UBE2W: variants seen among roughly 807,000 people sequenced by gnomAD.
UBE2W encodes ubiquitin conjugating enzyme E2 W, also known as ubiquitin-conjugating enzyme E2 W.
Under a neutral mutation model 27.2 loss-of-function variants are expected in UBE2W, and 18 were observed. The ratio of observed to expected loss-of-function variants is 0.66; its 90% confidence interval spans 0.46 to 0.98. The LOEUF is 0.98. Ranked by LOEUF, UBE2W falls within the 50% of genes least tolerant of loss-of-function variation. UBE2W has a pLI of 0.00. For missense variants in UBE2W, 90 were observed against 180.2 expected, an observed-to-expected ratio of 0.50 and a Z score of 2.87; for synonymous variants, 53 against 57.2, an observed-to-expected ratio of 0.93 and a Z score of 0.33.
At chr8:73,836,053 T>A (rs1810297942) in intron 1 of UBE2W, among the ~76,000 whole-genome samples, 1 of 152,184 alleles carries the variant, frequency 6.6e-6, no homozygotes, top group African/African-American at 2.4e-5. Context: ...AAATAACATT[T>A]GTTGTTTTAA....
intron 1 of UBE2W, among the ~76,000 whole-genome samples, chr8:73,859,653 G>C (rs1445274191): frequency 6.6e-6 from 1 of 152,094 alleles, no homozygotes; most frequent in Non-Finnish European, 1.5e-5. Flanking sequence ...TTAACAGTAA[G>C]CTATTAGTAC....
exon 5 of UBE2W, chr8:73,780,239 C>A (rs1807817201): frequency 1.1e-5 from 2 of 183,450 alleles, no homozygotes; most frequent in Non-Finnish European, 2.3e-5. Flanking sequence ...ATGTTCCCAG[C>A]AATCCCTGGC....
intron 5 of UBE2W, among the ~76,000 whole-genome samples, 179 bp downstream of exon 5, chr8:73,805,472 C>CAAAAACAAA (rs1554579999): frequency 1.1e-4 from 5 of 43,676 alleles, no homozygotes; most frequent in Non-Finnish European, 2.0e-4. Context: ...AAAAAAAAAA[C>CAAAAACAAA]AAAAAAAACT....
chr8:73,866,877 C>T (rs1483008844), intron 1 of UBE2W, among the ~76,000 whole-genome samples: 3 of 151,500 alleles, frequency 2.0e-5, no homozygotes, highest in African/African-American at 7.3e-5. Context: ...TGGTGGCAGG[C>T]ACCTGTAGTC....
In UBE2W at chr8:73,791,896, TA is replaced by T. The variant is rs1309720386; in HGVS notation, c.*2205del. 1 of 984,840 alleles carries T rather than the reference TA, an allele frequency of 1.0e-6. No individual in the cohort carries two copies. Among genetic ancestry groups the T allele is most frequent in the Non-Finnish European group, 1.2e-6 (1 of 829,512 alleles). 61.0% of individuals were successfully genotyped at this position (984,840 alleles called of 1,614,324 possible). A position where few individuals can be genotyped will look rare whatever the true frequency, so the allele number is the denominator to read the frequency against. On this transcript the variant is annotated 3_prime_UTR_variant, in exon 6 of 6. Coordinates refer to ENST00000602593, the MANE Select transcript of UBE2W (RefSeq NM_018299.6). The stretch of plus-strand genomic sequence containing the variant: ...AGAGAGGTATGTTAAAATATTGTCA[TA>T]AAAAACTCAATTGAGGCTATATATG...
At chr8:73,800,235 C>T (rs527958451) in intron 5 of UBE2W, among the ~76,000 whole-genome samples, 9 of 152,316 alleles carry the variant, frequency 5.9e-5, no homozygotes, top group African/African-American at 2.2e-4. Context: ...GACAGAACAG[C>T]TGCTTTACCA....
chr8:73,805,978 C>A (rs1328236412), intron 4 of UBE2W, among the ~76,000 whole-genome samples: 1 of 151,964 alleles, frequency 6.6e-6, no homozygotes, highest in Non-Finnish European at 1.5e-5. Flanking sequence ...CATGGTGAAA[C>A]CCAGTCTCTA....
At chr8:73,833,127 G>A (rs1563602270) in intron 1 of UBE2W, among the ~76,000 whole-genome samples, 1 of 146,728 alleles carries the variant, frequency 6.8e-6, no homozygotes, top group East Asian at 2.0e-4. Context: ...AGAGGTTGCA[G>A]TGAGCTGAGA....
chr8:73,835,232 GAA>G (rs60143568), intron 1 of UBE2W, among the ~76,000 whole-genome samples: 1,342 of 133,244 alleles, frequency 0.01, 22 homozygotes, highest in African/African-American at 0.033. Context: ...GGGTTCTATA[GAA>G]AAAAAAAAAA....
At chr8:73,824,351 G>A (rs1809741473) in intron 3 of UBE2W, among the ~76,000 whole-genome samples, 1 of 152,178 alleles carries the variant, frequency 6.6e-6, no homozygotes, top group Admixed American at 6.6e-5. Context: ...CAGACTTTGT[G>A]CTGATGTTTA....
chr8:73,861,465 C>G (rs890563864), intron 1 of UBE2W, among the ~76,000 whole-genome samples: 6 of 152,082 alleles, frequency 3.9e-5, no homozygotes, highest in African/African-American at 1.4e-4. Context: ...ATACAGGCCC[C>G]TAAGATTACT....
intron 4 of UBE2W, among the ~76,000 whole-genome samples, chr8:73,809,064 AG>A (rs1301440009): frequency 9.9e-5 from 15 of 152,204 alleles, no homozygotes; most frequent in Non-Finnish European, 1.5e-5. Flanking sequence ...TAAGCGTAAC[AG>A]GAACATAGAA....
At chr8:73,867,106 A>G (rs577306177) in intron 1 of UBE2W, among the ~76,000 whole-genome samples, 1 of 152,294 alleles carries the variant, frequency 6.6e-6, no homozygotes, top group East Asian at 1.9e-4. Flanking sequence ...CAACGAAATG[A>G]CAAATTGTTT....
In UBE2W at chr8:73,846,458, A is replaced by G. The variant is rs542292218; in HGVS notation, c.16-15986T>C. ...GATGTTTCAGACTTAAAAATTTTTT[A>G]GATTTAAAAAAATTTTTTATAAAGC... On this transcript the variant is annotated intron_variant, in intron 1 of 5. Transcript: ENST00000602593. 4.6e-5 allele frequency among the ~76,000 whole-genome samples: 7 copies of G among 152,310 alleles called. No homozygotes were observed. In the East Asian group the frequency reaches 7.7e-4, roughly 17 times the overall value.
chr8:73,784,315 C>A (rs1807897311), downstream of UBE2W, among the ~76,000 whole-genome samples: 1 of 152,138 alleles, frequency 6.6e-6, no homozygotes, highest in African/African-American at 2.4e-5. Flanking sequence ...TACCTGTCTG[C>A]CTTCCCTGCC....
intron 5 of UBE2W, among the ~76,000 whole-genome samples, chr8:73,804,109 T>C (rs972410663): frequency 2.0e-5 from 3 of 152,046 alleles, no homozygotes; most frequent in Admixed American, 6.6e-5. Context: ...CATAGTTCTA[T>C]TGCACTGACT....
intron 1 of UBE2W, among the ~76,000 whole-genome samples, chr8:73,843,490 C>T (rs975005558): frequency 5.3e-5 from 8 of 151,902 alleles, no homozygotes; most frequent in Admixed American, 3.3e-4. Flanking sequence ...AAAATTTGCC[C>T]GGCATGGTGG....
rs1381345283 is a variant in UBE2W, at chr8:73,793,275, G to T, written c.*827C>A. On this transcript the variant is annotated 3_prime_UTR_variant, in exon 6 of 6. Coordinates refer to ENST00000602593, the MANE Select transcript of UBE2W (RefSeq NM_018299.6). ...GTACAAATAACAAGCCCAAATTATG[G>T]ACTGCAGCAATTTAATCATCACTGC... The T allele has an allele frequency of 1.0e-6, 1 of 985,616 alleles. No homozygotes were observed. Among genetic ancestry groups the T allele is most frequent in the Non-Finnish European group, 1.2e-6 (1 of 829,910 alleles). The allele number at this position is 985,616 out of a possible 1,614,324, so 61.1% of individuals were successfully genotyped here.
Position 73,788,539 on chromosome 8 carries a change from A to T in UBE2W, c.*5563T>A. On this transcript the variant is annotated 3_prime_UTR_variant, in exon 6 of 6. Coordinates refer to ENST00000602593, the MANE Select transcript of UBE2W (RefSeq NM_018299.6). The stretch of plus-strand genomic sequence containing the variant: ...TTACATAAACAATCTGTGGTTAACT[A>T]TGAAAAGATGCATTTTCATGGTATC... 1.0e-6 allele frequency: 1 copy of T among 985,426 alleles called. No homozygotes were observed. The highest frequency in any genetic ancestry group is 1.7e-5 in the African/African-American group (1 of 57,348). 61.0% of individuals were successfully genotyped at this position (985,426 alleles called of 1,614,324 possible).
Sources: gnomAD v4.1 joint callset for allele counts (sites outside exome capture counted in the v4.1 genomes callset) on GRCh38, gnomAD v4.1.1 for gene constraint, MANE v1.5 for transcripts, NCBI Gene and HGNC (gene_info 2026-07-23, HGNC 2026-07-21) for gene names.